Variants in ARHGEF10 observed in about 807,000 individuals in gnomAD.
ARHGEF10 encodes Rho guanine nucleotide exchange factor (GEF) 10.
A neutral mutation model predicts 147.4 loss-of-function variants in ARHGEF10; 140 were observed. The ratio of observed to expected loss-of-function variants is 0.95; its 90% CI spans 0.83 to 1.09. ARHGEF10 has a LOEUF of 1.09. Ranked by LOEUF, ARHGEF10 falls within the 50% of genes least tolerant of loss-of-function variation. The pLI is 0.00. For synonymous variants in ARHGEF10, 902 were observed against 695.8 expected (o/e 1.30, Z -4.67); for missense variants, 2,222 against 1,752.7 (o/e 1.27, Z -4.78).
At chr8:1,840,501 G>T (rs1400674817) in intron 1 of ARHGEF10, among the ~76,000 whole-genome samples, 2 of 146,574 alleles carry the variant, frequency 1.4e-5, no homozygotes, top group African/African-American at 5.0e-5. Flanking sequence ...TGTCCGGTGT[G>T]GGGACTGTCC....
At chr8:1,944,257 C>T (rs1399013125) in intron 26 of ARHGEF10, among the ~76,000 whole-genome samples, 1 of 152,328 alleles carries the variant, frequency 6.6e-6, no homozygotes, top group African/African-American at 2.4e-5. Flanking sequence ...CACCGTGTCG[C>T]CTCCCTCGGG....
intron 11 of ARHGEF10, among the ~76,000 whole-genome samples, chr8:1,893,177 T>C (rs2129154738): frequency 6.6e-6 from 1 of 152,218 alleles, no homozygotes; most frequent in South Asian, 2.1e-4. Context: ...TAGATAAGTG[T>C]TGCTAATAAC....
At chr8:1,903,664 T>C (rs1353137689) in intron 16 of ARHGEF10, 1 of 631,870 alleles carries the variant, frequency 1.6e-6, no homozygotes, top group Non-Finnish European at 2.7e-6. Context: ...CAGCATTTTC[T>C]TAGGAAAGAG....
chr8:1,930,989 C>T (rs577889789), intron 25 of ARHGEF10, among the ~76,000 whole-genome samples: 5 of 152,362 alleles, frequency 3.3e-5, no homozygotes, highest in Admixed American at 6.5e-5. Context: ...TCTGCACCCC[C>T]TCTTCACTTG....
At chr8:1,922,495 C>G (rs538594873) in intron 18 of ARHGEF10, among the ~76,000 whole-genome samples, 1 of 152,146 alleles carries the variant, frequency 6.6e-6, no homozygotes, top group African/African-American at 2.4e-5. Context: ...ATGTCAGGGT[C>G]GCGAAAGAGG....
At chr8:1,916,286 G>A (rs13255875) in intron 18 of ARHGEF10, among the ~76,000 whole-genome samples, 19 of 152,218 alleles carry the variant, frequency 1.2e-4, no homozygotes, top group Non-Finnish European at 2.6e-4. Flanking sequence ...AATCACACAC[G>A]TGTGTCCTAC....
At chr8:1,842,647 C>G (rs1484140077) in intron 1 of ARHGEF10, among the ~76,000 whole-genome samples, 1 of 152,240 alleles carries the variant, frequency 6.6e-6, no homozygotes, top group Non-Finnish European at 1.5e-5. Flanking sequence ...GGAGAGTTCC[C>G]TGAGGACAGC....
intron 18 of ARHGEF10, among the ~76,000 whole-genome samples, chr8:1,913,299 C>T (rs1039946197): frequency 6.6e-5 from 10 of 151,458 alleles, no homozygotes; most frequent in East Asian, 3.9e-4. Flanking sequence ...AGAAGTTCTT[C>T]GTGTGTGTGT....
rs141641206 is a variant in ARHGEF10 at position 1,880,067 on chromosome 8, G to T, written c.863G>T (p.Arg288Leu). ...HKKQLSHDLT[R>L]LKEHYEKKMR... is the part of the protein sequence containing the mutation. Reference sequence around the variant, plus strand: ...CTGTAGCTTTCTCATGACCTAACCCGTTTAAAGGAGCACTATGAGAAAAAG... The same window carrying T: ...CTGTAGCTTTCTCATGACCTAACCCTTTTAAAGGAGCACTATGAGAAAAAG... Residue 288 changes from arginine to leucine, a missense_variant, in exon 9 of 29, where the codon CGT (arginine) becomes CTT (leucine). By Grantham distance (102) the Arg-to-Leu change is moderately radical (BLOSUM62 -2). Coordinates refer to ENST00000349830, the MANE Select transcript of ARHGEF10 (RefSeq NM_014629.4). 3 of 1,613,584 alleles carry T rather than the reference G, an allele frequency of 1.9e-6. No individual in the cohort carries two copies. Among genetic ancestry groups the T allele is most frequent in the Admixed American group, 3.3e-5 (2 of 60,014 alleles).
At chr8:1,848,024 G>A (rs1804688758) in intron 2 of ARHGEF10, among the ~76,000 whole-genome samples, 1 of 152,358 alleles carries the variant, frequency 6.6e-6, no homozygotes, top group Non-Finnish European at 1.5e-5. Context: ...GGAATGGGTG[G>A]CCTGCTTCTC....
At position 1,903,354 on chromosome 8, in the gene ARHGEF10, C is replaced by T; in HGVS notation, c.1724C>T (p.Thr575Ile). The change falls in exon 16 of 29, where the codon ACA becomes ATA. Residue 575 changes from threonine to isoleucine, a missense_variant. Transcript: ENST00000349830. ...CAGATGGCCCTGACAGAGCTCGAAA[C>T]ACTAGCAGAGAAGTTAAATGAAAGA... ...PLQMALTELE[T>I]LAEKLNERKR... is the part of the protein sequence containing the mutation. 6.2e-7 allele frequency: 1 copy of T among 1,614,170 alleles called. No homozygotes were observed. The highest frequency in any genetic ancestry group is 1.7e-5 in the Admixed American group (1 of 60,026).
intron 7 of ARHGEF10, 49 bp downstream of exon 7, chr8:1,869,299 T>A: frequency 6.6e-7 from 1 of 1,524,256 alleles, no homozygotes; most frequent in Non-Finnish European, 9.1e-7. Context: ...TCAGCAGCCT[T>A]TCCCTCTGGA....
At chr8:1,934,575 A>G (rs1239405201) in intron 26 of ARHGEF10, among the ~76,000 whole-genome samples, 1 of 152,188 alleles carries the variant, frequency 6.6e-6, no homozygotes, top group East Asian at 1.9e-4. Flanking sequence ...TTGAGGTGAC[A>G]TTTCAATTCA....
intron 2 of ARHGEF10, among the ~76,000 whole-genome samples, chr8:1,856,806 A>G (rs1805588294): frequency 6.6e-6 from 1 of 152,204 alleles, no homozygotes; most frequent in Non-Finnish European, 1.5e-5. Context: ...ATTGCCGGGC[A>G]TGGCAGCAGG....
chr8:1,893,659 C>T lies in ARHGEF10; in HGVS notation c.1260+13C>T, dbSNP rs747444676. 16 of 1,569,284 alleles carry T rather than the reference C, an allele frequency of 1.0e-5. No individual in the cohort carries two copies. Among genetic ancestry groups the T allele is most frequent in the South Asian group, 4.4e-5 (4 of 90,104 alleles). Reference sequence around the variant, plus strand: ...GAGGATTTTGGAGGTACTTAAGTGTCGTGTTACATAATACATACATTTCTA... The same window carrying T: ...GAGGATTTTGGAGGTACTTAAGTGTTGTGTTACATAATACATACATTTCTA... On this transcript the variant is annotated intron_variant, in intron 12 of 28. Coordinates refer to ENST00000349830, the MANE Select transcript of ARHGEF10 (RefSeq NM_014629.4).
rs534572516 is a variant in ARHGEF10, at chr8:1,869,421, T to C, written c.679+171T>C. 12 of 714,550 alleles carry C rather than the reference T, an allele frequency of 1.7e-5. No individual in the cohort carries two copies. In the East Asian group the frequency reaches 3.2e-4, roughly 19 times the overall value. 44.3% of individuals were successfully genotyped at this position (714,550 alleles called of 1,614,324 possible). A position where few individuals can be genotyped will look rare whatever the true frequency, so the allele number is the denominator to read the frequency against. ...GGTGGAATATTGGTGTTTGTGCACA[T>C]ATGTGTGTGTGCTTATAACCCTTGA... On this transcript the variant is annotated intron_variant, in intron 7 of 28. Coordinates refer to ENST00000349830, the MANE Select transcript of ARHGEF10 (RefSeq NM_014629.4).
At chr8:1,827,531 C>A (rs906202872) in intron 1 of ARHGEF10, among the ~76,000 whole-genome samples, 1 of 152,186 alleles carries the variant, frequency 6.6e-6, no homozygotes, top group African/African-American at 2.4e-5. Flanking sequence ...GTCTTGAACT[C>A]CCGACCTCAA....
At chr8:1,859,855 C>T (rs377508641) in intron 3 of ARHGEF10, 42 bp from the exon 4 acceptor site, 4 of 1,612,494 alleles carry the variant, frequency 2.5e-6, no homozygotes, top group Non-Finnish European at 3.4e-6. Flanking sequence ...CTGCCATGCC[C>T]TTGGTGATGT....
chr8:1,844,929 TTAGTTGTAA>T (rs958323068), intron 2 of ARHGEF10, among the ~76,000 whole-genome samples: 1 of 152,028 alleles, frequency 6.6e-6, no homozygotes, highest in Admixed American at 6.5e-5. Context: ...GTAATAATAA[TTAGTTGTAA>T]TAGTTGTAAT....
Sources: allele counts gnomAD v4.1 joint callset (sites outside exome capture counted in the v4.1 genomes callset), GRCh38; gene constraint gnomAD v4.1.1; transcripts MANE v1.5; gene names NCBI Gene and HGNC (gene_info 2026-07-23, HGNC 2026-07-21).